BRDT: variants seen among roughly 807,000 people sequenced by gnomAD.
The protein encoded by BRDT is bromodomain testis associated.
BRDT carries 77 observed loss-of-function variants against 113.9 expected under a neutral mutation model. That is an observed-to-expected ratio of 0.68 (90% CI 0.56 to 0.82). The LOEUF is 0.82. Among genes scored for constraint, BRDT ranks in the 40% least tolerant of loss-of-function variants. BRDT has a pLI of 0.00. For synonymous variants in BRDT, 358 were observed against 366.5 expected, an observed-to-expected ratio of 0.98 and a Z score of 0.26; for missense variants, 1,027 against 1,105.4, an observed-to-expected ratio of 0.93 and a Z score of 1.01.
chr1:92,009,012 T>C (rs750985881), intron 18 of BRDT, among the ~76,000 whole-genome samples: 11 of 152,216 alleles, frequency 7.2e-5, no homozygotes, highest in Non-Finnish European at 1.6e-4. Flanking sequence ...TAGTATATAA[T>C]ACATTGTTTT....
At chr1:92,006,336 A>C (rs780832307) in intron 18 of BRDT, among the ~76,000 whole-genome samples, 35 of 152,204 alleles carry the variant, frequency 2.3e-4, no homozygotes, top group Non-Finnish European at 3.8e-4. Flanking sequence ...TTTTATGACT[A>C]GCGTTGGCAC....
intron 1 of BRDT, among the ~76,000 whole-genome samples, chr1:91,961,466 C>A (rs559262615): frequency 7.2e-5 from 11 of 152,018 alleles, no homozygotes; most frequent in African/African-American, 2.7e-4. Context: ...CCTGTCTCTA[C>A]AAAAAAATAC....
At chr1:92,002,954 C>T (rs1241675658) in intron 16 of BRDT, among the ~76,000 whole-genome samples, 2 of 152,118 alleles carry the variant, frequency 1.3e-5, no homozygotes, top group African/African-American at 4.8e-5. Context: ...TTTTCTCTAT[C>T]CCCCTCCATC....
At chr1:92,005,413 T>A (rs1487207212) in intron 18 of BRDT, 114 bp downstream of exon 18, 2 of 968,684 alleles carry the variant, frequency 2.1e-6, no homozygotes, top group Non-Finnish European at 2.8e-6. Context: ...ACAGTGGACT[T>A]ACCTCTTTAG....
intron 18 of BRDT, among the ~76,000 whole-genome samples, chr1:92,006,628 G>A (rs1687332953): frequency 6.7e-6 from 1 of 149,946 alleles, no homozygotes; most frequent in Non-Finnish European, 1.5e-5. Flanking sequence ...CACCATGCCT[G>A]GCTAATGTTT....
chr1:91,994,649 G>A (rs1489619709), intron 15 of BRDT, among the ~76,000 whole-genome samples: 5 of 151,838 alleles, frequency 3.3e-5, no homozygotes, highest in African/African-American at 4.8e-5. Context: ...GGCGGATCAC[G>A]AGGTCAGGAG....
At chr1:91,962,561 T>C (rs1180832975) in intron 1 of BRDT, among the ~76,000 whole-genome samples, 157 bp from the exon 2 acceptor site, 1 of 152,184 alleles carries the variant, frequency 6.6e-6, no homozygotes, top group Non-Finnish European at 1.5e-5. Context: ...CTCGAACTCC[T>C]GACCTCAAGT....
intron 1 of BRDT, among the ~76,000 whole-genome samples, chr1:91,955,734 CAT>C (rs1374916316): frequency 1.3e-5 from 2 of 152,148 alleles, no homozygotes; most frequent in East Asian, 1.9e-4. Flanking sequence ...AATTTTTAGT[CAT>C]ATATTGCTGG....
chr1:91,995,423 G>C (rs956562218), intron 15 of BRDT, among the ~76,000 whole-genome samples: 4 of 15,370 alleles, frequency 2.6e-4, no homozygotes, highest in Admixed American at 1.0e-3. Flanking sequence ...GTGTGTGTGT[G>C]TGTGTGTGTG....
At chr1:91,954,300 G>A (rs1376691660) in intron 1 of BRDT, among the ~76,000 whole-genome samples, 1 of 103,686 alleles carries the variant, frequency 9.6e-6, no homozygotes, top group Non-Finnish European at 1.9e-5. Flanking sequence ...TTTTTTTTGA[G>A]GCAAGTTCTC....
chr1:91,954,694 G>A (rs916061209), intron 1 of BRDT, among the ~76,000 whole-genome samples: 1 of 152,154 alleles, frequency 6.6e-6, no homozygotes, highest in Non-Finnish European at 1.5e-5. Context: ...GATGGCTCAC[G>A]CCTGTAATCC....
rs1239459707 is a variant in BRDT, at chr1:91,978,036, T to C, written c.970-132T>C. ...ACAAATGTAGCAAAATTTTAACATT[T>C]GTCAAATCTGGATGGTGGACAACTG... On this transcript the variant is annotated intron_variant, in intron 6 of 18. Coordinates refer to ENST00000399546, the MANE Select transcript of BRDT (RefSeq NM_207189.4). 1.0e-5 allele frequency: 9 copies of C among 897,920 alleles called. No individual in the cohort carries two copies. The South Asian group carries it at 2.2e-4, about 22-fold the overall frequency. The allele number at this position is 897,920 out of a possible 1,614,324, so 55.6% of individuals were successfully genotyped here.
At chr1:91,987,653 T>C (rs1685380636) in intron 12 of BRDT, among the ~76,000 whole-genome samples, 1 of 149,018 alleles carries the variant, frequency 6.7e-6, no homozygotes, top group African/African-American at 2.6e-5. Flanking sequence ...GCCTTGTTTT[T>C]GTTTTTTGTT....
At chr1:92,010,069 A>C (rs978153880) in intron 18 of BRDT, among the ~76,000 whole-genome samples, 12 of 151,656 alleles carry the variant, frequency 7.9e-5, no homozygotes, top group African/African-American at 2.4e-4. Flanking sequence ...TGTATTGATC[A>C]CTGGGTTTCA....
chr1:92,000,712 A>G (rs751764224), intron 15 of BRDT, among the ~76,000 whole-genome samples: 5 of 152,156 alleles, frequency 3.3e-5, no homozygotes, highest in Non-Finnish European at 7.3e-5. Flanking sequence ...ACGAATTAGA[A>G]CCTGTAGACT....
At chr1:91,983,320 A>G (rs1570550264) in intron 12 of BRDT, among the ~76,000 whole-genome samples, 1 of 141,002 alleles carries the variant, frequency 7.1e-6, no homozygotes, top group Admixed American at 7.5e-5. Context: ...GCTGGAGTGC[A>G]GTGGCGCTAT....
chr1:91,991,323 T>G, intron 13 of BRDT, 78 bp downstream of exon 13: 1 of 714,832 alleles, frequency 1.4e-6, no homozygotes, highest in Admixed American at 3.3e-5. Context: ...TTCTTTAAAA[T>G]TGTTTTCAAT....
intron 15 of BRDT, among the ~76,000 whole-genome samples, chr1:91,998,598 G>T (rs1362285562): frequency 6.6e-6 from 1 of 152,116 alleles, no homozygotes; most frequent in African/African-American, 2.4e-5. Flanking sequence ...AGTAAATCCA[G>T]GAGTTTGCTA....
chr1:92,005,377 G>GATTTGGGGT, intron 18 of BRDT, 78 bp downstream of exon 18: 1 of 1,306,128 alleles, frequency 7.7e-7, no homozygotes, highest in Non-Finnish European at 1.0e-6. Context: ...TATGTTCAAG[G>GATTTGGGGT]ATGCATTTGG....
Sources: gnomAD v4.1 joint callset for allele counts (sites outside exome capture counted in the v4.1 genomes callset) on GRCh38, gnomAD v4.1.1 for gene constraint, MANE v1.5 for transcripts, NCBI Gene and HGNC (gene_info 2026-07-23, HGNC 2026-07-21) for gene names.